The following NRG1 variants were observed in gnomAD, a reference collection of about 807,000 sequenced individuals.
NRG1 encodes the protein pro-neuregulin-1, membrane-bound isoform.
NRG1 carries 18 observed loss-of-function variants against 63.8 expected under a neutral mutation model. The ratio of observed to expected loss-of-function variants is 0.28; its 90% confidence interval spans 0.19 to 0.42. The LOEUF is 0.42. Ranked by LOEUF, NRG1 falls within the 10% of genes least tolerant of loss-of-function variation. The probability of loss-of-function intolerance (pLI) is 1.00; values close to 1 mark genes in which losing one functional copy is unlikely to be tolerated. For synonymous variants in NRG1, 302 were observed against 301.3 expected (o/e 1.00, Z -0.02); for missense variants, 762 against 814.7 (o/e 0.94, Z 0.79).
chr8:31,915,407 G>A (rs1585719680), intron 1 of NRG1, among the ~76,000 whole-genome samples: 1 of 151,930 alleles, frequency 6.6e-6, no homozygotes, highest in African/African-American at 2.4e-5. Flanking sequence ...TAATTCCTTG[G>A]GGAATCTGTT....
At chr8:31,994,314 T>G (rs769780831) in intron 1 of NRG1, among the ~76,000 whole-genome samples, 10 of 151,826 alleles carry the variant, frequency 6.6e-5, no homozygotes, top group Non-Finnish European at 1.2e-4. Context: ...TTAAGCTAGA[T>G]GTTCACTTAG....
chr8:32,200,716 T>C (rs887331396), intron 1 of NRG1, among the ~76,000 whole-genome samples: 15 of 152,174 alleles, frequency 9.9e-5, no homozygotes, highest in African/African-American at 3.6e-4. Context: ...CTGCAGGCCT[T>C]CTAGAACTGG....
At chr8:31,910,012 T>C (rs1170481909) in intron 1 of NRG1, among the ~76,000 whole-genome samples, 2 of 152,062 alleles carry the variant, frequency 1.3e-5, no homozygotes, top group Admixed American at 6.6e-5. Context: ...AAACCAAAAA[T>C]CAATGATCTG....
At chr8:31,672,430 C>T (rs79289841) in intron 1 of NRG1, among the ~76,000 whole-genome samples, 2,771 of 152,138 alleles carry the variant, frequency 0.018, 95 homozygotes, top group African/African-American at 0.063. Flanking sequence ...GTGATAAAGG[C>T]TATAGACAAA....
At chr8:31,868,408 C>A (rs1829181665) in intron 1 of NRG1, among the ~76,000 whole-genome samples, 1 of 152,172 alleles carries the variant, frequency 6.6e-6, no homozygotes, top group African/African-American at 2.4e-5. Flanking sequence ...ACTGATCAGT[C>A]ATCCATTTGA....
intron 1 of NRG1, among the ~76,000 whole-genome samples, chr8:32,296,465 T>G (rs1455826129): frequency 1.3e-5 from 2 of 151,730 alleles, no homozygotes; most frequent in Non-Finnish European, 2.9e-5. Context: ...AATACAAAAA[T>G]TAGCTAGGCA....
intron 1 of NRG1, among the ~76,000 whole-genome samples, chr8:31,685,184 A>G: frequency 6.6e-6 from 1 of 152,150 alleles, no homozygotes; most frequent in East Asian, 1.9e-4. Flanking sequence ...ACTGGGGGAT[A>G]CTTATCTGAG....
intron 1 of NRG1, among the ~76,000 whole-genome samples, chr8:32,502,136 C>T (rs1335572390): frequency 1.3e-5 from 2 of 152,022 alleles, no homozygotes; most frequent in Non-Finnish European, 2.9e-5. Context: ...ATACAAGAAG[C>T]ATAGCAGCTT....
chr8:32,725,406 T>C (rs1564036662), intron 5 of NRG1, among the ~76,000 whole-genome samples: 1 of 151,636 alleles, frequency 6.6e-6, no homozygotes, highest in African/African-American at 2.4e-5. Context: ...TATGGAATTC[T>C]GTCAGCAGTT....
At chr8:32,734,177 G>C (rs1824427272) in intron 6 of NRG1, among the ~76,000 whole-genome samples, 1 of 152,176 alleles carries the variant, frequency 6.6e-6, no homozygotes, top group South Asian at 2.1e-4. Context: ...AAGATGGAAA[G>C]AGAAAGTCAA....
At chr8:32,485,493 G>T (rs1825798010) in intron 1 of NRG1, among the ~76,000 whole-genome samples, 1 of 152,036 alleles carries the variant, frequency 6.6e-6, no homozygotes, top group African/African-American at 2.4e-5. Flanking sequence ...ATATCTGTCT[G>T]TCCTCTTTCT....
intron 5 of NRG1, among the ~76,000 whole-genome samples, chr8:32,706,263 T>G (rs1268886343): frequency 6.6e-6 from 1 of 152,212 alleles, no homozygotes; most frequent in East Asian, 1.9e-4. Context: ...CAAATGTTAA[T>G]TATATTTACA....
chr8:32,437,304 TTTTTTGTTTGTTTG>T lies in NRG1; in HGVS notation c.38-158506_38-158493del, dbSNP rs1255283450. Among the ~76,000 whole-genome samples the T allele has an allele frequency of 4.6e-5, 7 of 151,948 alleles. No individual in the cohort carries two copies. The East Asian group carries it at 5.8e-4, about 13-fold the overall frequency. On this transcript the variant is annotated intron_variant, in intron 1 of 10. Transcript: ENST00000519301. ...ACTCCTGTGTGCCTCCTTTAGTGTT[TTTTTTGTTTGTTTG>T]TTTTTGTTTGTTTGTTTGTTTTTGT...
intron 1 of NRG1, among the ~76,000 whole-genome samples, chr8:31,796,749 G>A (rs905425548): frequency 2.6e-5 from 4 of 152,048 alleles, no homozygotes; most frequent in Admixed American, 2.0e-4. Flanking sequence ...AAGGTGGAGT[G>A]CTATTCTTAA....
chr8:31,876,553 T>C (rs1488257746), intron 1 of NRG1, among the ~76,000 whole-genome samples: 1 of 152,060 alleles, frequency 6.6e-6, no homozygotes, highest in Non-Finnish European at 1.5e-5. Flanking sequence ...AATGGAAGAG[T>C]AAATAATGAC....
At chr8:32,113,986 C>T (rs902474769) in intron 1 of NRG1, among the ~76,000 whole-genome samples, 2 of 152,174 alleles carry the variant, frequency 1.3e-5, no homozygotes, top group Admixed American at 6.6e-5. Context: ...TTGTTGCCAT[C>T]CAAGACCATG....
Position 32,058,363 on chromosome 8 carries a change from C to T in NRG1, c.37+418932C>T, listed in dbSNP as rs1353289135. Among the ~76,000 whole-genome samples, 3 of 151,942 alleles carry T rather than the reference C, an allele frequency of 2.0e-5. 1 individual carries two copies. The highest frequency in any genetic ancestry group is 4.4e-5 in the Non-Finnish European group (3 of 67,948). ...GATCTGACTTTATATTGGTACCTGG[C>T]ACAACACATGCATTGCACACAGGAA... On this transcript the variant is annotated intron_variant, in intron 1 of 10. Transcript: ENST00000519301.
chr8:32,236,591 A>G (rs1166868461), intron 1 of NRG1, among the ~76,000 whole-genome samples: 7 of 152,136 alleles, frequency 4.6e-5, no homozygotes, highest in Admixed American at 4.6e-4. Context: ...TCATCAGTTC[A>G]CTTTCCTCTC....
chr8:32,492,711 G>A (rs1029304637), intron 1 of NRG1, among the ~76,000 whole-genome samples: 1 of 152,080 alleles, frequency 6.6e-6, no homozygotes, highest in Non-Finnish European at 1.5e-5. Flanking sequence ...AGTAACATCT[G>A]TATTCACCCC....
Sources: allele counts gnomAD v4.1 joint callset (sites outside exome capture counted in the v4.1 genomes callset), GRCh38; gene constraint gnomAD v4.1.1; transcripts MANE v1.5; gene names NCBI Gene and HGNC (gene_info 2026-07-23, HGNC 2026-07-21).